Variants in P3H2 observed in about 807,000 individuals in gnomAD.
The protein encoded by P3H2 is leprecan-like 1.
A neutral mutation model predicts 87.0 loss-of-function variants in P3H2; 80 were observed. That is an observed-to-expected ratio of 0.92 (90% CI 0.77 to 1.11). The LOEUF (loss-of-function observed/expected upper bound fraction) is 1.11. Ranked by LOEUF, P3H2 falls within the 50% of genes least tolerant of loss-of-function variation. P3H2 has a pLI of 0.00. For missense variants in P3H2, 1,001 were observed against 923.9 expected (o/e 1.08, Z -1.08); for synonymous variants, 367 against 359.3 (o/e 1.02, Z -0.24).
intron 1 of P3H2, among the ~76,000 whole-genome samples, chr3:190,044,235 G>C (rs1725731424): frequency 6.6e-6 from 1 of 152,164 alleles, no homozygotes; most frequent in African/African-American, 2.4e-5. Flanking sequence ...CTTGTCAGGA[G>C]CACACGTTGT....
rs1462188002 is a variant in P3H2 at position 190,018,396 on chromosome 3, C to A, written c.481-22954G>T. Among the ~76,000 whole-genome samples the A allele has an allele frequency of 6.6e-5, 10 of 152,052 alleles. No individual in the cohort carries two copies. The East Asian group carries it at 1.9e-3, about 29-fold the overall frequency. ...TCAGGTGTTAATAGTCCCATTTTTA[C>A]AGATGAGAAAATCAAGGCTTAGATA... On this transcript the variant is annotated intron_variant, in intron 1 of 14. Coordinates refer to ENST00000319332, the MANE Select transcript of P3H2 (RefSeq NM_018192.4).
chr3:190,062,521 C>G (rs1726362176), intron 1 of P3H2, among the ~76,000 whole-genome samples: 1 of 152,124 alleles, frequency 6.6e-6, no homozygotes, highest in Non-Finnish European at 1.5e-5. Context: ...TGCTTTATCA[C>G]TAAATGTAGA....
At chr3:190,118,452 T>C (rs1712380475) in intron 1 of P3H2, among the ~76,000 whole-genome samples, 1 of 151,902 alleles carries the variant, frequency 6.6e-6, no homozygotes, top group Non-Finnish European at 1.5e-5. Flanking sequence ...CTGCCTGGTG[T>C]TGACTGATTT....
At chr3:189,979,118 T>C (rs1219782320) in intron 8 of P3H2, among the ~76,000 whole-genome samples, 1 of 151,982 alleles carries the variant, frequency 6.6e-6, no homozygotes, top group Non-Finnish European at 1.5e-5. Context: ...GTACAGCCTT[T>C]TACAGTTAAA....
chr3:190,101,368 C>CAAA (rs34737545), intron 1 of P3H2, among the ~76,000 whole-genome samples: 5 of 23,938 alleles, frequency 2.1e-4, no homozygotes, highest in South Asian at 3.1e-3. Flanking sequence ...ATCATGAACG[C>CAAA]AAAAAAAAAA....
chr3:190,014,920 C>A (rs144967839), intron 1 of P3H2, among the ~76,000 whole-genome samples: 54 of 152,292 alleles, frequency 3.5e-4, no homozygotes, highest in African/African-American at 1.2e-3. Context: ...GCTCTGCTGG[C>A]AACCTGTCGA....
intron 1 of P3H2, among the ~76,000 whole-genome samples, chr3:190,081,076 C>T (rs1727027621): frequency 6.6e-6 from 1 of 152,098 alleles, no homozygotes; most frequent in African/African-American, 2.4e-5. Flanking sequence ...GTGTCTCCAA[C>T]TGTATAATAG....
Position 189,987,646 on chromosome 3 carries a change from C to G in P3H2, c.979G>C (p.Glu327Gln), listed in dbSNP as rs1723748641. 3.1e-6 allele frequency: 5 copies of G among 1,614,178 alleles called. No individual in the cohort carries two copies. Among genetic ancestry groups the G allele is most frequent in the Non-Finnish European group, 4.2e-6 (5 of 1,180,028 alleles). Residue 327 changes from glutamate (E) to glutamine (Q), a missense_variant, in exon 5 of 15, where the codon GAG (glutamate) becomes CAG (glutamine). Coordinates refer to ENST00000319332, the MANE Select transcript of P3H2 (RefSeq NM_018192.4). ...YRVGEYVKALECAKAYLLCHP... is the reference protein window; with the variant it reads ...YRVGEYVKALQCAKAYLLCHP... ...CATAGAAGATAGGCTTTGGCACACT[C>G]CAGGGCTTTCACATACTCACCAACT...
intron 1 of P3H2, among the ~76,000 whole-genome samples, chr3:190,048,602 T>C (rs1391400387): frequency 1.3e-5 from 2 of 152,200 alleles, no homozygotes; most frequent in African/African-American, 4.8e-5. Flanking sequence ...TAACCAAGTA[T>C]ATTAAAAAAC....
At chr3:190,119,599 G>C (rs900513273) in intron 1 of P3H2, among the ~76,000 whole-genome samples, 1 of 152,150 alleles carries the variant, frequency 6.6e-6, no homozygotes, top group Non-Finnish European at 1.5e-5. Context: ...ACCAGAAAAC[G>C]TAAGCCCTCT....
chr3:190,041,082 T>C (rs1666399), intron 1 of P3H2, among the ~76,000 whole-genome samples: 1 of 32,240 alleles, frequency 3.1e-5, no homozygotes, highest in African/African-American at 1.5e-4. Flanking sequence ...ACACACACAC[T>C]CTCTCTCTCT....
At chr3:190,039,515 TTAA>T (rs369643660) in intron 1 of P3H2, among the ~76,000 whole-genome samples, 1,546 of 152,268 alleles carry the variant, frequency 0.01, 26 homozygotes, top group African/African-American at 0.035. Flanking sequence ...TTATATATTG[TTAA>T]TTGCAAAACC....
rs780061711 is a variant in P3H2, at chr3:190,120,561, G to A, written c.171C>T (p.Ser57=). The change falls in exon 1 of 15, where the codon AGC becomes AGT. Residue 57 remains serine, a synonymous_variant. Transcript: ENST00000319332. ...CGCGCACCGCTCGCTCGTAGTCTCC[G>A]CTGTAGTAGGCGGCCGCGCCGCTGG... ...LYASGAAAYY[S]GDYERAVRDL... 4 of 1,535,990 alleles carry A rather than the reference G, an allele frequency of 2.6e-6. No individual in the cohort carries two copies. The highest frequency in any genetic ancestry group is 2.6e-6 in the Non-Finnish European group (3 of 1,151,176).
rs141983845 is a variant in P3H2, at chr3:189,989,449, T to C, written c.824-411A>G. Reference sequence around the variant, plus strand: ...CTGGAATCGGGAATGGAAGTTCAGATGCTAGTAAATGTTAAGGAACAGTTT... The same window carrying C: ...CTGGAATCGGGAATGGAAGTTCAGACGCTAGTAAATGTTAAGGAACAGTTT... On this transcript the variant is annotated intron_variant, in intron 3 of 14. Coordinates refer to ENST00000319332, the MANE Select transcript of P3H2 (RefSeq NM_018192.4). 4.6e-3 allele frequency among the ~76,000 whole-genome samples: 701 copies of C among 152,302 alleles called. 17 individuals are homozygous for C. Among genetic ancestry groups the C allele is most frequent in the Non-Finnish European group, 2.8e-3 (189 of 68,032 alleles).
upstream of P3H2, chr3:190,121,435 C>T (rs966081390): frequency 6.6e-6 from 1 of 152,072 alleles, no homozygotes; most frequent in East Asian, 1.9e-4. Context: ...AAGTGATTTG[C>T]CTAAATGCAT....
At chr3:190,058,148 A>AATAT (rs1726217208) in intron 1 of P3H2, among the ~76,000 whole-genome samples, 1 of 152,088 alleles carries the variant, frequency 6.6e-6, no homozygotes, top group African/African-American at 2.4e-5. Context: ...AATTTAGGAG[A>AATAT]ATATATATTC....
chr3:190,094,666 G>C (rs535786539), intron 1 of P3H2, among the ~76,000 whole-genome samples: 29 of 152,230 alleles, frequency 1.9e-4, no homozygotes, highest in African/African-American at 7.0e-4. Context: ...CTGACATTCT[G>C]CCCAACCCAA....
At chr3:189,991,852 C>A (rs1723886543) in intron 3 of P3H2, among the ~76,000 whole-genome samples, 1 of 152,120 alleles carries the variant, frequency 6.6e-6, no homozygotes, top group Admixed American at 6.5e-5. Context: ...TTAGAGACTG[C>A]TCTGTGGGCA....
intron 3 of P3H2, among the ~76,000 whole-genome samples, chr3:189,993,496 C>CA (rs1290389943): frequency 2.0e-5 from 3 of 152,054 alleles, no homozygotes; most frequent in Non-Finnish European, 2.9e-5. Flanking sequence ...GTTAACTAGC[C>CA]AATCTCCCAA....
Sources: gnomAD v4.1 joint callset for allele counts (sites outside exome capture counted in the v4.1 genomes callset) on GRCh38, gnomAD v4.1.1 for gene constraint, MANE v1.5 for transcripts, NCBI Gene and HGNC (gene_info 2026-07-23, HGNC 2026-07-21) for gene names.